Variants in GCLC observed in about 807,000 individuals in gnomAD.
GCLC encodes the protein glutamate-cysteine ligase catalytic subunit.
GCLC carries 30 observed loss-of-function variants against 81.5 expected under a neutral mutation model. The observed-to-expected ratio is 0.37, with a 90% CI of 0.28 to 0.50. The LOEUF is 0.50. Among genes scored for constraint, GCLC ranks in the 20% least tolerant of loss-of-function variants. The pLI is 0.96. For synonymous variants in GCLC, 262 were observed against 273.3 expected, an observed-to-expected ratio of 0.96 and a Z score of 0.41; for missense variants, 556 against 777.4, an observed-to-expected ratio of 0.72 and a Z score of 3.39.
At chr6:53,539,377 G>C (rs573518674) in intron 1 of GCLC, among the ~76,000 whole-genome samples, 2 of 152,250 alleles carry the variant, frequency 1.3e-5, no homozygotes, top group South Asian at 2.1e-4. Flanking sequence ...GCATCTGTAG[G>C]CTGATCTTGG....
chr6:53,516,211 G>A lies in GCLC; in HGVS notation c.458C>T (p.Pro153Leu), dbSNP rs1245225098. 6.2e-7 allele frequency: 1 copy of A among 1,603,790 alleles called. No individual in the cohort carries two copies. The highest frequency in any genetic ancestry group is 2.2e-5 in the East Asian group (1 of 44,838). The stretch of plus-strand genomic sequence containing the variant: ...TTTGACCTCGGGCAGTGTGAACCCA[G>A]GACAGCCTAATCTACAACAAATTGA... ...TITSFPRLGC[P>L]GFTLPEVKPN... The change falls in exon 4 of 16, where the codon CCT (proline) becomes CTT (leucine). Residue 153 changes from proline (P) to leucine (L), a missense_variant. Pro to Leu is a moderately conservative substitution (Grantham distance 98). Around this residue, in one of 3 missense-constraint regions of GCLC, gnomAD observed 234 missense variants for 303.8 expected, o/e 0.77. Transcript: ENST00000650454.
chr6:53,536,903 A>G (rs776082974), intron 1 of GCLC, among the ~76,000 whole-genome samples: 32 of 152,232 alleles, frequency 2.1e-4, no homozygotes, highest in Admixed American at 9.8e-4. Flanking sequence ...GGTATAGAAG[A>G]CTAATACACT....
Position 53,544,783 on chromosome 6 carries a change from G to A in GCLC, c.-138C>T. On this transcript the variant is annotated 5_prime_UTR_variant, in exon 1 of 16. Transcript: ENST00000650454. ...GGGCGCTCTCGGGCCGCAGTCGGCG[G>A]AGGGAGGGTCCTGCCCGCTCCGGCT... 1.2e-6 allele frequency: 1 copy of A among 829,058 alleles called. No individual in the cohort carries two copies. The highest frequency in any genetic ancestry group is 1.9e-5 in the South Asian group (1 of 52,540). The allele number at this position is 829,058 out of a possible 1,614,324, so 51.4% of individuals were successfully genotyped here.
rs1763430285 is a variant in GCLC at position 53,545,038 on chromosome 6, G to C, written c.-393C>G. 6.2e-6 allele frequency: 1 copy of C among 160,222 alleles called. No homozygotes were observed. Among genetic ancestry groups the C allele is most frequent in the Admixed American group, 6.5e-5 (1 of 15,436 alleles). 9.9% of individuals were successfully genotyped at this position (160,222 alleles called of 1,614,324 possible). ...CTGGTGCACTGGCTTCTTCCTACTT[G>C]TGACCAAAACCTGCGCCGCCGCGGA... is the stretch of plus-strand genomic sequence containing the variant. On this transcript the variant is annotated 5_prime_UTR_variant, in exon 1 of 16. Transcript: ENST00000650454.
intron 3 of GCLC, among the ~76,000 whole-genome samples, chr6:53,518,308 C>T (rs1181636622): frequency 2.0e-5 from 3 of 151,998 alleles, no homozygotes; most frequent in South Asian, 2.1e-4. Flanking sequence ...TGGAGCAGAG[C>T]GGCACAATCT....
intron 1 of GCLC, among the ~76,000 whole-genome samples, chr6:53,525,173 G>C (rs1763058551): frequency 1.3e-5 from 2 of 152,178 alleles, no homozygotes; most frequent in South Asian, 4.1e-4. Context: ...CTTCTGAAGT[G>C]CTCCTTCTCT....
chr6:53,514,898 C>T (rs1764835983), intron 4 of GCLC, among the ~76,000 whole-genome samples: 1 of 152,218 alleles, frequency 6.6e-6, no homozygotes. Flanking sequence ...AGCCCCAATA[C>T]CTTGCTCCTC....
chr6:53,499,953 CATT>C, intron 15 of GCLC, 89 bp downstream of exon 15: 1 of 906,518 alleles, frequency 1.1e-6, no homozygotes, highest in Non-Finnish European at 1.8e-6. Context: ...ATGAATACAG[CATT>C]ATTTTAAAAG....
chr6:53,508,487 C>T, intron 8 of GCLC, 108 bp downstream of exon 8: 1 of 785,186 alleles, frequency 1.3e-6, no homozygotes, highest in Non-Finnish European at 2.3e-6. Context: ...TCTTTTTCCC[C>T]ATTTCAGATA....
Position 53,500,482 on chromosome 6 carries a change from CTT to C in GCLC, c.1425_1426del (p.Asp477CysfsTer66). On this transcript the variant is annotated frameshift_variant, in exon 13 of 16. Transcript: ENST00000650454. LOFTEE classifies it high-confidence loss of function. ...AAACATTCCCTGCAAGACAGCATCT[CTT>C]TTCTGTGCTACCTTCATGTTCTCAT... 6.2e-7 allele frequency: 1 copy of C among 1,611,730 alleles called. No homozygotes were observed. Among genetic ancestry groups the C allele is most frequent in the Non-Finnish European group, 8.5e-7 (1 of 1,178,004 alleles).
At position 53,506,738 on chromosome 6, in the gene GCLC, A is replaced by G; in HGVS notation, c.1197+175T>C. 1 of 601,002 alleles carries G rather than the reference A, an allele frequency of 1.7e-6. No homozygotes were observed. Among genetic ancestry groups the G allele is most frequent in the Non-Finnish European group, 3.0e-6 (1 of 334,318 alleles). The allele number at this position is 601,002 out of a possible 1,614,324, so 37.2% of individuals were successfully genotyped here. A position where few individuals can be genotyped will look rare whatever the true frequency, so the allele number is the denominator to read the frequency against. ...TTGAAACCGATTTTTTATTTGTCCA[A>G]GTTCTTTACTGCACTGGGTAAATGA... On this transcript the variant is annotated intron_variant, in intron 10 of 15. Coordinates refer to ENST00000650454, the MANE Select transcript of GCLC (RefSeq NM_001498.4). The surrounding 1 kb of genome is among the most constrained non-coding windows in gnomAD (Gnocchi z 4.0).
At position 53,508,826 on chromosome 6, in the gene GCLC, G is replaced by GCTCCAC. The variant is rs3830795; in HGVS notation, c.829-116_829-115insGTGGAG. The GCTCCAC allele has an allele frequency of 0.49, 367,232 of 757,100 alleles. 93,351 individuals are homozygous for GCTCCAC. The highest frequency in any genetic ancestry group is 0.68 in the African/African-American group (39,755 of 58,084). 46.9% of individuals were successfully genotyped at this position (757,100 alleles called of 1,614,324 possible). A position where few individuals can be genotyped will look rare whatever the true frequency, so the allele number is the denominator to read the frequency against. ...AGCATGTTTATGCAACCCATACAGAGCACATGTACCTGTGCCTATCTTACA... is the reference window on the plus strand; with the variant it reads ...AGCATGTTTATGCAACCCATACAGAGCTCCACCACATGTACCTGTGCCTATCTTACA... On this transcript the variant is annotated intron_variant, in intron 7 of 15. Transcript: ENST00000650454.
chr6:53,537,469 G>C (rs531616455), intron 1 of GCLC, among the ~76,000 whole-genome samples: 9 of 152,200 alleles, frequency 5.9e-5, no homozygotes, highest in Admixed American at 1.3e-4. Flanking sequence ...AAGAAGCCTA[G>C]CCTGAGCCTG....
intron 1 of GCLC, among the ~76,000 whole-genome samples, chr6:53,527,024 C>T (rs1242622277): frequency 6.6e-6 from 1 of 152,096 alleles, no homozygotes; most frequent in Non-Finnish European, 1.5e-5. Context: ...CTATTTAACC[C>T]ATCATATGCT....
chr6:53,536,182 G>A (rs1233981955), intron 1 of GCLC, among the ~76,000 whole-genome samples: 4 of 152,172 alleles, frequency 2.6e-5, no homozygotes, highest in Non-Finnish European at 4.4e-5. Flanking sequence ...CAGACCAAAA[G>A]AGGATATGCT....
At chr6:53,504,990 T>C (rs1764585474) in intron 12 of GCLC, among the ~76,000 whole-genome samples, 1 of 152,142 alleles carries the variant, frequency 6.6e-6, no homozygotes, top group African/African-American at 2.4e-5. Flanking sequence ...TTTGGTCTTT[T>C]GGGGGGCAGA....
Position 53,522,431 on chromosome 6 carries a change from C to T in GCLC, c.247G>A (p.Glu83Lys). The T allele has an allele frequency of 6.2e-7, 1 of 1,601,658 alleles. No individual in the cohort carries two copies. Among genetic ancestry groups the T allele is most frequent in the Non-Finnish European group, 8.6e-7 (1 of 1,168,576 alleles). The change falls in exon 2 of 16, where the codon GAA (glutamate) becomes AAA (lysine). Residue 83 changes from glutamate to lysine, a missense_variant. Physicochemically the swap from Glu to Lys is moderately conservative, Grantham distance 56 (BLOSUM62 1). Transcript: ENST00000650454. ...KVLETLQEKG[E>K]RTNPNHPTLW... ...AGAGCTTACTTTGGGTTTGTCCTTTCCCCCTTCTCTTGCAGAGTTTCAAGA... is the reference window on the plus strand; with the variant it reads ...AGAGCTTACTTTGGGTTTGTCCTTTTCCCCTTCTCTTGCAGAGTTTCAAGA...
chr6:53,508,755 C>T lies in GCLC; in HGVS notation c.829-44G>A, dbSNP rs752658148. 2.3e-6 allele frequency: 3 copies of T among 1,287,992 alleles called. No individual in the cohort carries two copies. In the South Asian group the frequency reaches 3.5e-5, roughly 15 times the overall value. The allele number at this position is 1,287,992 out of a possible 1,614,324, so 79.8% of individuals were successfully genotyped here. A position where few individuals can be genotyped will look rare whatever the true frequency, so the allele number is the denominator to read the frequency against. On this transcript the variant is annotated intron_variant, in intron 7 of 15. Transcript: ENST00000650454. ...CAGCTCCTGCAAATTCAAAGTGTCA[C>T]TTACATGCTAAAAAAAGCTCCATGC...
At chr6:53,535,811 A>G (rs1763247863) in intron 1 of GCLC, among the ~76,000 whole-genome samples, 2 of 152,228 alleles carry the variant, frequency 1.3e-5, no homozygotes, top group South Asian at 4.1e-4. Flanking sequence ...GAGACTGCCC[A>G]TACCGGTGTT....
Sources: gnomAD v4.1 joint callset for allele counts (sites outside exome capture counted in the v4.1 genomes callset) on GRCh38, gnomAD v4.1.1 for gene constraint, gnomAD v4.1.1 regional missense constraint, Gnocchi (gnomAD v3.1) non-coding constraint, MANE v1.5 for transcripts, NCBI Gene and HGNC (gene_info 2026-07-23, HGNC 2026-07-21) for gene names.